CCDC7: variants seen among roughly 807,000 people sequenced by gnomAD.
The protein encoded by CCDC7 is coiled-coil domain-containing protein 7.
Under a neutral mutation model 196.9 loss-of-function variants are expected in CCDC7, and 183 were observed. That is an observed-to-expected ratio of 0.93 (90% CI 0.82 to 1.05). CCDC7 has a LOEUF of 1.05. Among genes scored for constraint, CCDC7 ranks in the 50% least tolerant of loss-of-function variants. The pLI, the probability that CCDC7 is intolerant of heterozygous loss-of-function variation, is 0.00. For missense variants in CCDC7, 1,540 were observed against 1,482.2 expected (o/e 1.04, Z -0.64); for synonymous variants, 525 against 484.6 (o/e 1.08, Z -1.10).
intron 29 of CCDC7, 41 bp downstream of exon 30, chr10:32,779,125 T>G: frequency 7.2e-7 from 1 of 1,380,074 alleles, no homozygotes; most frequent in South Asian, 1.3e-5. Context: ...GAACACAATC[T>G]AAGAATTAAA....
chr10:32,541,182 G>A (rs1489778959), intron 11 of CCDC7, among the ~76,000 whole-genome samples: 1 of 152,108 alleles, frequency 6.6e-6, no homozygotes, highest in Non-Finnish European at 1.5e-5. Flanking sequence ...TCAGGCAGAA[G>A]TAGGACCACT....
At position 32,651,229 on chromosome 10, in the gene CCDC7, C is replaced by A. The variant is rs80049481; in HGVS notation, c.2015-12825C>A. Among the ~76,000 whole-genome samples, 540 of 152,232 alleles carry A rather than the reference C, an allele frequency of 3.5e-3. 3 individuals are homozygous for A. The highest frequency in any genetic ancestry group is 0.012 in the African/African-American group (512 of 41,526). On this transcript the variant is annotated intron_variant, in intron 20 of 41. Transcript: ENST00000639629. ...GTTTGCAGTAAGATTGAGCAGTCTC[C>A]CAGTCTCTTAACTCACCCCTTCCTC...
intron 21 of CCDC7, among the ~76,000 whole-genome samples, chr10:32,676,311 C>T (rs997262737): frequency 2.6e-5 from 4 of 151,740 alleles, no homozygotes; most frequent in Admixed American, 6.6e-5. Context: ...TAGGCATGGG[C>T]ACGGACTTCA....
intron 24 of CCDC7, among the ~76,000 whole-genome samples, chr10:32,695,917 A>G (rs775954386): frequency 1.2e-4 from 19 of 152,296 alleles, no homozygotes; most frequent in Admixed American, 5.9e-4. Context: ...CCAATAGTCA[A>G]TTCTTTTCCA....
intron 11 of CCDC7, among the ~76,000 whole-genome samples, chr10:32,529,346 A>G (rs1256008719): frequency 1.3e-5 from 2 of 152,160 alleles, no homozygotes; most frequent in Non-Finnish European, 2.9e-5. Flanking sequence ...AGGAATTGCC[A>G]CACTGTTTTC....
At chr10:32,642,242 C>G (rs1392941435) in intron 20 of CCDC7, among the ~76,000 whole-genome samples, 1 of 152,206 alleles carries the variant, frequency 6.6e-6, no homozygotes, top group Non-Finnish European at 1.5e-5. Context: ...TGCCCTGCCC[C>G]CAGAGGTGGA....
intron 14 of CCDC7, among the ~76,000 whole-genome samples, chr10:32,567,391 T>A (rs549748173): frequency 6.6e-6 from 1 of 152,052 alleles, no homozygotes; most frequent in Non-Finnish European, 1.5e-5. Context: ...TTTATTTTGC[T>A]TGTATAATAA....
At chr10:32,511,383 T>G in intron 9 of CCDC7, 1 of 1,610,068 alleles carries the variant, frequency 6.2e-7, no homozygotes, top group Non-Finnish European at 8.5e-7. Flanking sequence ...CAGAGGGCAT[T>G]TTTTACAAAT....
At chr10:32,669,951 A>G (rs2073722405) in intron 21 of CCDC7, among the ~76,000 whole-genome samples, 1 of 152,160 alleles carries the variant, frequency 6.6e-6, no homozygotes, top group African/African-American at 2.4e-5. Flanking sequence ...TTATAATCAG[A>G]CGTTTGCTTG....
intron 20 of CCDC7, among the ~76,000 whole-genome samples, chr10:32,659,511 C>A (rs980426223): frequency 2.6e-5 from 4 of 152,054 alleles, no homozygotes; most frequent in African/African-American, 9.7e-5. Context: ...CACAATAAAG[C>A]AAATATCACA....
intron 33 of CCDC7, among the ~76,000 whole-genome samples, chr10:32,837,450 A>T (rs1392576965): frequency 1.3e-5 from 2 of 152,154 alleles, no homozygotes; most frequent in Non-Finnish European, 2.9e-5. Flanking sequence ...GATGTGGAGA[A>T]ATAGGAACAC....
At chr10:32,836,178 A>G (rs746934932) in intron 33 of CCDC7, among the ~76,000 whole-genome samples, 30 of 152,084 alleles carry the variant, frequency 2.0e-4, no homozygotes, top group Non-Finnish European at 3.7e-4. Context: ...AATACGGGAA[A>G]GAGGCCATTA....
At chr10:32,819,364 A>G (rs933991996) in intron 31 of CCDC7, among the ~76,000 whole-genome samples, 11 of 152,244 alleles carry the variant, frequency 7.2e-5, no homozygotes, top group Non-Finnish European at 4.4e-5. Flanking sequence ...AGATGGATTC[A>G]TAGCTGAATT....
chr10:32,757,746 T>C (rs2076711925), intron 28 of CCDC7, among the ~76,000 whole-genome samples: 1 of 151,878 alleles, frequency 6.6e-6, no homozygotes, highest in African/African-American at 2.4e-5. Flanking sequence ...CAAAAATAAC[T>C]AAGATCAGAG....
chr10:32,758,855 T>C (rs1382207461), intron 28 of CCDC7, among the ~76,000 whole-genome samples: 1 of 152,076 alleles, frequency 6.6e-6, no homozygotes, highest in Admixed American at 6.6e-5. Context: ...ACCCTGTCAT[T>C]TCAGCCCAAA....
chr10:32,457,733 G>A (rs1390230277), intron 3 of CCDC7, among the ~76,000 whole-genome samples: 3 of 152,038 alleles, frequency 2.0e-5, no homozygotes, highest in Non-Finnish European at 4.4e-5. Context: ...TCTAACTGAG[G>A]TGAGATGATA....
chr10:32,775,565 T>C (rs1045034076), intron 28 of CCDC7, among the ~76,000 whole-genome samples: 2 of 152,184 alleles, frequency 1.3e-5, no homozygotes, highest in Non-Finnish European at 1.5e-5. Flanking sequence ...ACCTATATAC[T>C]ATATAATCCA....
chr10:32,647,605 T>G (rs2068008179), intron 20 of CCDC7, among the ~76,000 whole-genome samples: 2 of 151,802 alleles, frequency 1.3e-5, no homozygotes, highest in Non-Finnish European at 1.5e-5. Flanking sequence ...GATCATTTTT[T>G]CATATGCTTG....
At chr10:32,593,322 G>GT (rs1234160062) in intron 18 of CCDC7, among the ~76,000 whole-genome samples, 10 of 152,170 alleles carry the variant, frequency 6.6e-5, no homozygotes, top group African/African-American at 2.4e-4. Flanking sequence ...TTTTTTCTGT[G>GT]TTTTTTGGCT....
Sources: allele counts gnomAD v4.1 joint callset (sites outside exome capture counted in the v4.1 genomes callset), GRCh38; gene constraint gnomAD v4.1.1; transcripts MANE v1.5; gene names NCBI Gene and HGNC (gene_info 2026-07-23, HGNC 2026-07-21).